The following WDR27 variants were observed in gnomAD, a reference collection of about 807,000 sequenced individuals.
WDR27 encodes the protein WD repeat-containing protein 27.
WDR27 carries 100 observed loss-of-function variants against 114.4 expected under a neutral mutation model. The ratio of observed to expected loss-of-function variants is 0.87; its 90% CI spans 0.74 to 1.03. The LOEUF is 1.03. Among genes scored for constraint, WDR27 ranks in the 50% least tolerant of loss-of-function variants. The probability of loss-of-function intolerance (pLI) is 0.00; values close to 1 mark genes in which losing one functional copy is unlikely to be tolerated. For missense variants in WDR27, 1,129 were observed against 1,092.9 expected, an observed-to-expected ratio of 1.03 and a Z score of -0.47; for synonymous variants, 449 against 423.1, an observed-to-expected ratio of 1.06 and a Z score of -0.75.
At chr6:169,570,011 T>C (rs1801113253) in intron 25 of WDR27, among the ~76,000 whole-genome samples, 1 of 152,162 alleles carries the variant, frequency 6.6e-6, no homozygotes, top group Non-Finnish European at 1.5e-5. Flanking sequence ...GGCAGGAGTG[T>C]CTTCCATGCT....
In WDR27 at chr6:169,647,908, T is replaced by G. The variant is rs756767939; in HGVS notation, c.1560-38A>C. 9.2e-6 allele frequency: 13 copies of G among 1,419,136 alleles called. No individual in the cohort carries two copies. In the South Asian group the frequency reaches 1.4e-4, roughly 16 times the overall value. The allele number at this position is 1,419,136 out of a possible 1,614,324, so 87.9% of individuals were successfully genotyped here. ...CACAGGTAACGGTGATCGGGAGACA[T>G]TCACAGTGAGATTAGAAGTAAAACA... is the stretch of plus-strand genomic sequence containing the variant. On this transcript the variant is annotated intron_variant, in intron 15 of 25. Transcript: ENST00000448612.
chr6:169,535,759 A>G (rs1796128991), intron 25 of WDR27, among the ~76,000 whole-genome samples: 1 of 152,220 alleles, frequency 6.6e-6, no homozygotes. Flanking sequence ...GTCAGACAAG[A>G]GCAACAAAGG....
At chr6:169,648,276 A>G (rs913789950) in intron 15 of WDR27, among the ~76,000 whole-genome samples, 1 of 152,106 alleles carries the variant, frequency 6.6e-6, no homozygotes, top group African/African-American at 2.4e-5. Context: ...TTCCGTGCAC[A>G]TGCCAATGCC....
At chr6:169,557,416 T>TG (rs771876840) in intron 25 of WDR27, among the ~76,000 whole-genome samples, 4 of 151,774 alleles carry the variant, frequency 2.6e-5, no homozygotes, top group Non-Finnish European at 5.9e-5. Context: ...GACCCTGAGG[T>TG]GGGGGGTGCG....
chr6:169,556,763 T>C (rs1798955385), intron 25 of WDR27, among the ~76,000 whole-genome samples: 3 of 152,232 alleles, frequency 2.0e-5, no homozygotes, highest in Non-Finnish European at 4.4e-5. Flanking sequence ...AATTCAATAA[T>C]TTAGAAAAGA....
intron 21 of WDR27, among the ~76,000 whole-genome samples, chr6:169,625,765 G>C (rs1267431721): frequency 6.6e-6 from 1 of 152,200 alleles, no homozygotes; most frequent in Non-Finnish European, 1.5e-5. Flanking sequence ...TCCGTCTGGG[G>C]CTCTGGGGGG....
chr6:169,652,127 G>C (rs1195810452), intron 13 of WDR27, 119 bp from the exon 14 acceptor site: 1 of 854,266 alleles, frequency 1.2e-6, no homozygotes. Context: ...ATGAATTCCT[G>C]ACCATAAATT....
chr6:169,517,514 AAC>A (rs1310042299), intron 25 of WDR27, among the ~76,000 whole-genome samples: 4 of 152,182 alleles, frequency 2.6e-5, no homozygotes, highest in Non-Finnish European at 1.5e-5. Flanking sequence ...AAGATTAAAA[AAC>A]TAAAAGAAGT....
chr6:169,577,168 C>T (rs1190966177), intron 24 of WDR27, among the ~76,000 whole-genome samples: 1 of 151,930 alleles, frequency 6.6e-6, no homozygotes, highest in African/African-American at 2.4e-5. Context: ...CACGGAAAGA[C>T]GCACCAACTC....
chr6:169,667,844 C>T (rs188172217), intron 5 of WDR27, 138 bp downstream of exon 5: 30 of 821,110 alleles, frequency 3.7e-5, no homozygotes, highest in East Asian at 2.8e-5. Context: ...ATCAGGATAG[C>T]GGGCGCCTTG....
intron 25 of WDR27, among the ~76,000 whole-genome samples, chr6:169,509,263 G>A (rs1167042610): frequency 1.3e-5 from 2 of 152,118 alleles, no homozygotes; most frequent in Non-Finnish European, 2.9e-5. Flanking sequence ...TTTCTTCACA[G>A]AATTGGAAAA....
At chr6:169,638,321 T>TC (rs1168804478) in intron 18 of WDR27, among the ~76,000 whole-genome samples, 2 of 48,104 alleles carry the variant, frequency 4.2e-5, no homozygotes, top group East Asian at 0.011. Context: ...AGACTCCGTC[T>TC]CAAAAAAAAA....
chr6:169,637,451 A>T (rs925620098), intron 18 of WDR27, among the ~76,000 whole-genome samples: 2 of 152,288 alleles, frequency 1.3e-5, no homozygotes, highest in African/African-American at 4.8e-5. Flanking sequence ...GCGCATGTGT[A>T]TGCATCTATC....
intron 25 of WDR27, among the ~76,000 whole-genome samples, chr6:169,570,509 C>G (rs1331428412): frequency 1.3e-5 from 2 of 152,192 alleles, no homozygotes; most frequent in African/African-American, 4.8e-5. Flanking sequence ...TTTACTCATT[C>G]TCAGCAGTCC....
intron 25 of WDR27, among the ~76,000 whole-genome samples, chr6:169,568,164 G>C (rs1403607256): frequency 3.0e-5 from 1 of 33,104 alleles, no homozygotes; most frequent in African/African-American, 4.9e-5. Context: ...AATCACTCAG[G>C]AACCACACTC....
intron 25 of WDR27, among the ~76,000 whole-genome samples, chr6:169,469,920 A>T (rs1469845453): frequency 1.3e-5 from 2 of 152,300 alleles, no homozygotes; most frequent in East Asian, 3.9e-4. Context: ...GTCTTTTTAG[A>T]ACAAGCTTTC....
chr6:169,652,135 AT>A (rs750106106), intron 13 of WDR27, 127 bp from the exon 14 acceptor site: 23 of 794,306 alleles, frequency 2.9e-5, no homozygotes, highest in Non-Finnish European at 4.5e-5. Context: ...CTGACCATAA[AT>A]TTAAGAGGTT....
At chr6:169,495,764 T>C (rs542047810) in intron 25 of WDR27, among the ~76,000 whole-genome samples, 1 of 152,052 alleles carries the variant, frequency 6.6e-6, no homozygotes, top group Non-Finnish European at 1.5e-5. Flanking sequence ...GTAGTAAGAA[T>C]AATGAATCAG....
chr6:169,548,901 A>G (rs1797768968), intron 25 of WDR27, among the ~76,000 whole-genome samples: 2 of 152,228 alleles, frequency 1.3e-5, no homozygotes, highest in Admixed American at 1.3e-4. Flanking sequence ...CACAAAAGTT[A>G]ACTCATAACT....
Sources: gnomAD v4.1 joint callset for allele counts (sites outside exome capture counted in the v4.1 genomes callset) on GRCh38, gnomAD v4.1.1 for gene constraint, MANE v1.5 for transcripts, NCBI Gene and HGNC (gene_info 2026-07-23, HGNC 2026-07-21) for gene names.